CATSPER2: variants seen among roughly 807,000 people sequenced by gnomAD.
The protein encoded by CATSPER2 is cation channel sperm-associated protein 2.
A neutral mutation model predicts 68.8 loss-of-function variants in CATSPER2; 56 were observed. The observed-to-expected ratio is 0.81, with a 90% confidence interval of 0.66 to 1.02. The LOEUF (loss-of-function observed/expected upper bound fraction) is 1.02, where lower values mean the gene tolerates loss of function less well. CATSPER2 is among the 50% of genes least tolerant of loss of function. CATSPER2 has a pLI of 0.00. For missense variants in CATSPER2, 582 were observed against 642.0 expected, an observed-to-expected ratio of 0.91 and a Z score of 1.01; for synonymous variants, 198 against 229.9, an observed-to-expected ratio of 0.86 and a Z score of 1.26.
chr15:43,638,810 G>A (rs1028858192), intron 7 of CATSPER2, 94 bp downstream of exon 7: 1 of 1,442,760 alleles, frequency 6.9e-7, no homozygotes, highest in African/African-American at 1.4e-5. Flanking sequence ...TCTTGGAATA[G>A]ACTGCACTTT....
rs538213209 is a variant in CATSPER2, at chr15:43,630,357, G to T, written c.*344C>A. On this transcript the variant is annotated 3_prime_UTR_variant, in exon 13 of 13. Transcript: ENST00000396879. Reference sequence around the variant, plus strand: ...TCACACTACTGAGCAGCTATCAGGAGTATTTATAAGACACTTATACAGAGT... The same window carrying T: ...TCACACTACTGAGCAGCTATCAGGATTATTTATAAGACACTTATACAGAGT... 3 of 352,868 alleles carry T rather than the reference G, an allele frequency of 8.5e-6. No homozygotes were observed. The highest frequency in any genetic ancestry group is 6.4e-5 in the African/African-American group (3 of 47,202). The allele number at this position is 352,868 out of a possible 1,614,324, so 21.9% of individuals were successfully genotyped here. A position where few individuals can be genotyped will look rare whatever the true frequency, so the allele number is the denominator to read the frequency against.
intron 1 of CATSPER2, among the ~76,000 whole-genome samples, 168 bp downstream of exon 1, chr15:43,648,461 T>A (rs780596336): frequency 6.6e-6 from 1 of 151,382 alleles, no homozygotes; most frequent in Non-Finnish European, 1.5e-5. Context: ...TGAGGTGGAG[T>A]TGGGGGAGGT....
chr15:43,648,514 G>A (rs375204105), intron 1 of CATSPER2, 115 bp downstream of exon 1: 1 of 1,085,626 alleles, frequency 9.2e-7, no homozygotes, highest in African/African-American at 1.6e-5. Context: ...AGAGAAATTG[G>A]ACAAAATGCC....
At position 43,635,715 on chromosome 15, in the gene CATSPER2, G is replaced by A; in HGVS notation, c.1121+12C>T. Reference sequence around the variant, plus strand: ...GAGAAGGAAAGTTGGGGTTGAAAAGGGAGAAGCAGACCTCTGGATGATCTG... The same window carrying A: ...GAGAAGGAAAGTTGGGGTTGAAAAGAGAGAAGCAGACCTCTGGATGATCTG... On this transcript the variant is annotated intron_variant, in intron 9 of 12. Coordinates refer to ENST00000396879, the MANE Select transcript of CATSPER2 (RefSeq NM_172095.4). The A allele has an allele frequency of 6.2e-7, 1 of 1,609,982 alleles. No homozygotes were observed. The highest frequency in any genetic ancestry group is 8.5e-7 in the Non-Finnish European group (1 of 1,176,894).
intron 4 of CATSPER2, among the ~76,000 whole-genome samples, chr15:43,641,147 G>A (rs1443334386): frequency 7.5e-5 from 11 of 146,522 alleles, no homozygotes; most frequent in African/African-American, 2.3e-4. Flanking sequence ...ATGGAGTTTC[G>A]CTCTTGTTGC....
chr15:43,640,009 T>C (rs2086044547), intron 5 of CATSPER2: 5 of 1,447,524 alleles, frequency 3.5e-6, no homozygotes, highest in Middle Eastern at 2.6e-4. Flanking sequence ...ATAAAATTCA[T>C]GGTTATTTAA....
Position 43,638,940 on chromosome 15 carries a change from G to A in CATSPER2, c.806C>T (p.Ser269Leu), listed in dbSNP as rs1258694519. The change falls in exon 7 of 13, where the codon TCA becomes TTA. Residue 269 changes from serine to leucine, a missense_variant. Ser to Leu is a moderately radical substitution (Grantham distance 145, BLOSUM62 -2). Coordinates refer to ENST00000396879, the MANE Select transcript of CATSPER2 (RefSeq NM_172095.4). ...GVYVFSEYTR[S>L]PRQDLEYHVF... The stretch of plus-strand genomic sequence containing the variant: ...ATGGTACTCCAGGTCCTGACGAGGT[G>A]AACGGGTGTACTCTGAGAAGACGTA... 5 of 1,613,106 alleles carry A rather than the reference G, an allele frequency of 3.1e-6. No individual in the cohort carries two copies. The highest frequency in any genetic ancestry group is 1.1e-5 in the South Asian group (1 of 91,006).
intron 10 of CATSPER2, chr15:43,634,172 A>G (rs1300367522): frequency 6.6e-6 from 1 of 151,842 alleles, no homozygotes; most frequent in African/African-American, 2.4e-5. Flanking sequence ...TTCACTGATA[A>G]CATCCCAAGC....
At chr15:43,641,602 T>C (rs2086075406) in intron 4 of CATSPER2, among the ~76,000 whole-genome samples, 2 of 151,738 alleles carry the variant, frequency 1.3e-5, no homozygotes, top group South Asian at 4.2e-4. Context: ...GTCATCCTGA[T>C]GCTGAACTGA....
chr15:43,634,809 T>C (rs1646753999), intron 10 of CATSPER2: 1 of 159,224 alleles, frequency 6.3e-6, no homozygotes, highest in South Asian at 1.8e-4. Flanking sequence ...GTGGCTGCCA[T>C]AACAAATTAC....
Position 43,632,770 on chromosome 15 carries a change from G to T in CATSPER2, c.1343C>A (p.Ser448Tyr). The change falls in exon 11 of 13, where the codon TCC becomes TAC. Residue 448 changes from serine (S) to tyrosine (Y), a missense_variant. Coordinates refer to ENST00000396879, the MANE Select transcript of CATSPER2 (RefSeq NM_172095.4). ...REYQSSSCVS[S>Y]TSSSYSSSSE... ...AGAGGAAGAATAGGAAGAGGATGTG[G>T]AGGAGACACAGGAGGAAGACTGGTA... 1 of 1,613,720 alleles carries T rather than the reference G, an allele frequency of 6.2e-7. No individual in the cohort carries two copies. Among genetic ancestry groups the T allele is most frequent in the Non-Finnish European group, 8.5e-7 (1 of 1,179,800 alleles).
Position 43,647,444 on chromosome 15 carries a change from C to A in CATSPER2, c.169G>T (p.Val57Leu), listed in dbSNP as rs8042868. The change falls in exon 3 of 13, where the codon GTA (valine) becomes TTA (leucine). Residue 57 changes from valine to leucine, a missense_variant. Val to Leu is a conservative substitution (Grantham distance 32). Transcript: ENST00000396879. ...ACTAGCTGGTGTTGATCTCCCAATA[C>A]AAGTTTCTTCTGGCGGGAAGGATCT... Reference protein sequence around the residue: ...LLDPSRQKKLVLGDQHQLVRF... With the variant: ...LLDPSRQKKLLLGDQHQLVRF... The A allele has an allele frequency of 1.2e-6, 2 of 1,613,032 alleles. No homozygotes were observed. Among genetic ancestry groups the A allele is most frequent in the African/African-American group, 1.3e-5 (1 of 74,628 alleles).
At chr15:43,632,414 G>C in intron 11 of CATSPER2, 51 bp from the exon 12 acceptor site, 1 of 1,599,976 alleles carries the variant, frequency 6.3e-7, no homozygotes, top group Non-Finnish European at 8.5e-7. Flanking sequence ...TAAAAGTTGG[G>C]TAAGAGCTGG....
chr15:43,635,987 A>G lies in CATSPER2; in HGVS notation c.1021+54T>C, dbSNP rs1158923467. On this transcript the variant is annotated intron_variant, in intron 8 of 12. Transcript: ENST00000396879. ...TAAGCCACCAATCCCAGCTTTCAGA[A>G]TAACTTTTTCCCAACCACACTTCCC... The G allele has an allele frequency of 9.0e-6, 12 of 1,332,396 alleles. No individual in the cohort carries two copies. The East Asian group carries it at 1.2e-4, about 13-fold the overall frequency. 82.5% of individuals were successfully genotyped at this position (1,332,396 alleles called of 1,614,324 possible). A position where few individuals can be genotyped will look rare whatever the true frequency, so the allele number is the denominator to read the frequency against.
intron 6 of CATSPER2, 111 bp downstream of exon 6, chr15:43,639,532 T>C (rs1193675962): frequency 1.3e-6 from 2 of 1,566,754 alleles, no homozygotes; most frequent in African/African-American, 2.7e-5. Context: ...CCCAAAGTGC[T>C]GGGATTACAG....
Position 43,647,067 on chromosome 15 carries a change from A to G in CATSPER2, c.371T>C (p.Ile124Thr), listed in dbSNP as rs143907962. The G allele has an allele frequency of 1.4e-4, 221 of 1,612,098 alleles. 2 individuals are homozygous for G. The highest frequency in any genetic ancestry group is 4.7e-4 in the Admixed American group (28 of 59,970). Residue 124 changes from isoleucine (I) to threonine (T), a missense_variant, in exon 4 of 13, where the codon ATA (isoleucine) becomes ACA (threonine). Physicochemically the swap from Ile to Thr is moderately conservative, Grantham distance 89. This residue lies in a region of CATSPER2 where 197 missense variants were observed against 191.0 expected (regional missense o/e 1.03). Coordinates refer to ENST00000396879, the MANE Select transcript of CATSPER2 (RefSeq NM_172095.4). ...IIFLVFLNTI[I>T]LMVEIELLES... ...GTTCTCACCTATTTCAACCATCAAT[A>G]TGATCGTATTCAAAAAGACCAGGAA...
In CATSPER2 at chr15:43,638,286, CTTTT is replaced by C. The variant is rs71460446; in HGVS notation, c.842+614_842+617del. Among the ~76,000 whole-genome samples, 3 of 81,866 alleles carry C rather than the reference CTTTT, an allele frequency of 3.7e-5. 1 individual carries two copies. The highest frequency in any genetic ancestry group is 2.3e-4 in the African/African-American group (3 of 13,272). The allele number at this position is 81,866 out of a possible 152,430, so 53.7% of individuals were successfully genotyped here. On this transcript the variant is annotated intron_variant, in intron 7 of 12. Transcript: ENST00000396879. ...ATTTTTCTTTTCTTTTTCTTTCTTTCTTTTTTTTTTTTTTTTTTTTTGAGATGGA... is the reference window on the plus strand; with the variant it reads ...ATTTTTCTTTTCTTTTTCTTTCTTTCTTTTTTTTTTTTTTTTTGAGATGGA...
intron 7 of CATSPER2, among the ~76,000 whole-genome samples, chr15:43,638,128 T>C (rs1258108000): frequency 2.0e-5 from 3 of 150,906 alleles, no homozygotes; most frequent in Admixed American, 2.0e-4. Flanking sequence ...CTAATTTTTG[T>C]ATTTTTAGTA....
chr15:43,639,557 A>G, intron 6 of CATSPER2, 86 bp downstream of exon 6: 1 of 1,598,510 alleles, frequency 6.3e-7, no homozygotes, highest in East Asian at 2.3e-5. Context: ...GAGCCACCGC[A>G]CCCGGCCAAT....
Sources: gnomAD v4.1 joint callset for allele counts (sites outside exome capture counted in the v4.1 genomes callset) on GRCh38, gnomAD v4.1.1 for gene constraint, gnomAD v4.1.1 regional missense constraint, MANE v1.5 for transcripts, NCBI Gene and HGNC (gene_info 2026-07-23, HGNC 2026-07-21) for gene names.